CATSPER3: variants seen among roughly 807,000 people sequenced by gnomAD.
CATSPER3 encodes the protein cation channel sperm associated 3, also known as cation channel sperm-associated protein 3.
Under a neutral mutation model 36.6 loss-of-function variants are expected in CATSPER3, and 23 were observed. That is an observed-to-expected ratio of 0.63 (90% CI 0.45 to 0.89). The LOEUF (loss-of-function observed/expected upper bound fraction) is 0.89. Among genes scored for constraint, CATSPER3 ranks in the 40% least tolerant of loss-of-function variants. The pLI, the probability that CATSPER3 is intolerant of heterozygous loss-of-function variation, is 0.00. For missense variants in CATSPER3, 474 were observed against 503.9 expected (o/e 0.94, Z 0.57); for synonymous variants, 172 against 184.1 (o/e 0.93, Z 0.53).
At chr5:135,009,122 C>A in intron 5 of CATSPER3, 141 bp downstream of exon 5, 1 of 1,174,496 alleles carries the variant, frequency 8.5e-7, no homozygotes, top group Non-Finnish European at 1.3e-6. Context: ...TGGACCTGTC[C>A]CTCACCCGGC....
At chr5:134,974,351 ATTAG>A (rs915796553) in intron 2 of CATSPER3, among the ~76,000 whole-genome samples, 4 of 152,250 alleles carry the variant, frequency 2.6e-5, no homozygotes, top group African/African-American at 4.8e-5. Flanking sequence ...AAGACGACTT[ATTAG>A]TTCTAGGGAT....
At chr5:134,980,329 CT>C (rs966542948) in intron 2 of CATSPER3, among the ~76,000 whole-genome samples, 8 of 147,212 alleles carry the variant, frequency 5.4e-5, no homozygotes, top group Non-Finnish European at 9.0e-5. Flanking sequence ...TCTCCTTTCT[CT>C]TTTTTTCTTT....
intron 2 of CATSPER3, among the ~76,000 whole-genome samples, chr5:134,978,573 C>T (rs943752743): frequency 7.2e-5 from 11 of 152,156 alleles, no homozygotes; most frequent in Non-Finnish European, 1.6e-4. Flanking sequence ...TGCTTACTTT[C>T]ACCACTCCTA....
intron 2 of CATSPER3, among the ~76,000 whole-genome samples, chr5:134,972,279 T>C (rs2149545058): frequency 6.6e-6 from 1 of 152,246 alleles, no homozygotes; most frequent in African/African-American, 2.4e-5. Context: ...TCCAAAAACT[T>C]TGAAATCCAA....
intron 2 of CATSPER3, 102 bp downstream of exon 2, chr5:134,970,194 C>T: frequency 8.4e-7 from 1 of 1,187,160 alleles, no homozygotes; most frequent in Non-Finnish European, 1.2e-6. Context: ...GAATCTCACT[C>T]TGTCAGGCTG....
chr5:134,979,862 C>T (rs1359912167), intron 2 of CATSPER3, among the ~76,000 whole-genome samples: 1 of 152,054 alleles, frequency 6.6e-6, no homozygotes, highest in Non-Finnish European at 1.5e-5. Flanking sequence ...TTTGCTAAGC[C>T]CTGAAAGAGT....
At position 134,984,515 on chromosome 5, in the gene CATSPER3, A is replaced by C. The variant is rs565515503; in HGVS notation, c.253-11758A>C. Reference sequence around the variant, plus strand: ...CAAATGGCCAACAAACATTTGAAAAAATGCTCCATATGACACTAATCAGCA... The same window carrying C: ...CAAATGGCCAACAAACATTTGAAAACATGCTCCATATGACACTAATCAGCA... On this transcript the variant is annotated intron_variant, in intron 2 of 7. Coordinates refer to ENST00000282611, the MANE Select transcript of CATSPER3 (RefSeq NM_178019.3). 2.0e-5 allele frequency among the ~76,000 whole-genome samples: 3 copies of C among 152,324 alleles called. No individual in the cohort carries two copies. In the South Asian group the frequency reaches 6.2e-4, roughly 32 times the overall value.
At chr5:134,984,427 AAAAC>A (rs1193622450) in intron 2 of CATSPER3, among the ~76,000 whole-genome samples, 2 of 152,238 alleles carry the variant, frequency 1.3e-5, no homozygotes, top group African/African-American at 2.4e-5. Context: ...ATTAGAAAGA[AAAAC>A]AAATCCCATT....
chr5:134,995,959 C>T (rs1467127936), intron 2 of CATSPER3: 3 of 432,748 alleles, frequency 6.9e-6, no homozygotes, highest in Admixed American at 3.4e-5. Context: ...GGGACCTTCC[C>T]TTGGGAAACC....
At chr5:134,995,646 G>A (rs1751936206) in intron 2 of CATSPER3, 1 of 163,600 alleles carries the variant, frequency 6.1e-6, no homozygotes, top group Admixed American at 5.6e-5. Context: ...TACAGGGTGG[G>A]TGCTCAGTCA....
chr5:134,979,784 T>G (rs1274757366), intron 2 of CATSPER3, among the ~76,000 whole-genome samples: 1 of 152,154 alleles, frequency 6.6e-6, no homozygotes, highest in Non-Finnish European at 1.5e-5. Flanking sequence ...TCTCAAGATT[T>G]CACCTTTAGC....
At chr5:134,974,494 A>T (rs980131248) in intron 2 of CATSPER3, among the ~76,000 whole-genome samples, 1 of 152,154 alleles carries the variant, frequency 6.6e-6, no homozygotes, top group East Asian at 1.9e-4. Flanking sequence ...GGCTTCTGGG[A>T]TGGCAGAGTT....
At chr5:134,968,128 G>A (rs1485086111) in intron 1 of CATSPER3, 39 bp downstream of exon 1, 1 of 1,406,982 alleles carries the variant, frequency 7.1e-7, no homozygotes, top group South Asian at 1.2e-5. Context: ...TAAGAAATGT[G>A]CTAGTAGAAG....
chr5:134,981,742 C>G (rs922933934), intron 2 of CATSPER3, among the ~76,000 whole-genome samples: 8 of 152,112 alleles, frequency 5.3e-5, no homozygotes, highest in Non-Finnish European at 1.2e-4. Context: ...ATAAAGCAAT[C>G]AAAGAAACAA....
Position 135,009,503 on chromosome 5 carries a change from T to G in CATSPER3, c.936+13T>G, listed in dbSNP as rs373841452. The G allele has an allele frequency of 2.0e-5, 27 of 1,327,534 alleles. No homozygotes were observed. In the African/African-American group the frequency reaches 8.5e-4, roughly 42 times the overall value. The allele number at this position is 1,327,534 out of a possible 1,614,324, so 82.2% of individuals were successfully genotyped here. Reference sequence around the variant, plus strand: ...GATGCACATACAGGTGAGTGGCCCCTGCAGGCAGGTGGACAGATGGGTGGA... The same window carrying G: ...GATGCACATACAGGTGAGTGGCCCCGGCAGGCAGGTGGACAGATGGGTGGA... On this transcript the variant is annotated intron_variant, in intron 6 of 7. Transcript: ENST00000282611.
At chr5:134,988,833 C>T (rs142228312) in intron 2 of CATSPER3, among the ~76,000 whole-genome samples, 1 of 152,200 alleles carries the variant, frequency 6.6e-6, no homozygotes, top group African/African-American at 2.4e-5. Flanking sequence ...TTCTTAATGG[C>T]ATCTAGGATG....
Position 134,996,582 on chromosome 5 carries a change from G to A in CATSPER3, c.492+70G>A. 2.6e-6 allele frequency: 4 copies of A among 1,524,428 alleles called. No homozygotes were observed. In the South Asian group the frequency reaches 3.4e-5, roughly 13 times the overall value. 94.4% of individuals were successfully genotyped at this position (1,524,428 alleles called of 1,614,324 possible). Reference sequence around the variant, plus strand: ...GGCCCATTTGCCCCCAAGACACTAAGGAAATAATGACTCTACTACCATCTT... The same window carrying A: ...GGCCCATTTGCCCCCAAGACACTAAAGAAATAATGACTCTACTACCATCTT... On this transcript the variant is annotated intron_variant, in intron 3 of 7. Coordinates refer to ENST00000282611, the MANE Select transcript of CATSPER3 (RefSeq NM_178019.3).
chr5:134,993,735 AT>A (rs1178388721), intron 2 of CATSPER3, among the ~76,000 whole-genome samples: 3 of 152,222 alleles, frequency 2.0e-5, no homozygotes, highest in Admixed American at 2.0e-4. Context: ...ATATCCTTTA[AT>A]GGCTATAAAG....
intron 2 of CATSPER3, among the ~76,000 whole-genome samples, chr5:134,989,978 AT>A (rs1186523374): frequency 6.6e-6 from 1 of 152,160 alleles, no homozygotes; most frequent in Non-Finnish European, 1.5e-5. Context: ...ATATTGTTAC[AT>A]CTCAAGGAAT....
Sources: gnomAD v4.1 joint callset for allele counts (sites outside exome capture counted in the v4.1 genomes callset) on GRCh38, gnomAD v4.1.1 for gene constraint, MANE v1.5 for transcripts, NCBI Gene and HGNC (gene_info 2026-07-23, HGNC 2026-07-21) for gene names.